ARAP2: variants seen among roughly 807,000 people sequenced by gnomAD.
ARAP2 encodes ArfGAP with RhoGAP domain, ankyrin repeat and PH domain 2.
ARAP2 carries 148 observed loss-of-function variants against 194.5 expected under a neutral mutation model. That is an observed-to-expected ratio of 0.76 (90% CI 0.67 to 0.87). The LOEUF is 0.87. Among genes scored for constraint, ARAP2 ranks in the 40% least tolerant of loss-of-function variants. The pLI, the probability that ARAP2 is intolerant of heterozygous loss-of-function variation, is 0.00. For synonymous variants in ARAP2, 695 were observed against 683.5 expected, an observed-to-expected ratio of 1.02 and a Z score of -0.26; for missense variants, 2,128 against 1,989.7, an observed-to-expected ratio of 1.07 and a Z score of -1.32.
At chr4:36,196,176 C>G (rs1398703717) in intron 6 of ARAP2, among the ~76,000 whole-genome samples, 1 of 152,204 alleles carries the variant, frequency 6.6e-6, no homozygotes, top group African/African-American at 2.4e-5. Flanking sequence ...TTTCACATGT[C>G]TTACTTAAGA....
chr4:36,088,994 A>G (rs1712743378), intron 28 of ARAP2, among the ~76,000 whole-genome samples: 1 of 152,236 alleles, frequency 6.6e-6, no homozygotes. Context: ...TTCTACATTT[A>G]AAGTAATTGC....
At chr4:36,058,408 A>G (rs1004346742) in intron 1 of ARAP2, among the ~76,000 whole-genome samples, 2 of 152,180 alleles carry the variant, frequency 1.3e-5, no homozygotes, top group Non-Finnish European at 1.5e-5. Flanking sequence ...TCTATCTTAA[A>G]AAATCATCTC....
At chr4:36,093,988 G>A (rs1275559457) in intron 27 of ARAP2, among the ~76,000 whole-genome samples, 1 of 152,134 alleles carries the variant, frequency 6.6e-6, no homozygotes, top group Non-Finnish European at 1.5e-5. Flanking sequence ...CACTAGAGAA[G>A]CCCCCTCACA....
At chr4:36,077,520 A>G (rs1398342540) in intron 31 of ARAP2, among the ~76,000 whole-genome samples, 1 of 152,088 alleles carries the variant, frequency 6.6e-6, no homozygotes, top group East Asian at 1.9e-4. Context: ...GGTATATACC[A>G]CAGACAACGT....
chr4:36,212,289 C>T (rs1560681242), intron 5 of ARAP2, 107 bp downstream of exon 5: 1 of 933,960 alleles, frequency 1.1e-6, no homozygotes, highest in Non-Finnish European at 1.5e-6. Flanking sequence ...GAACTTATCA[C>T]CATAAACTAT....
At chr4:36,194,861 T>A (rs1015282921) in intron 6 of ARAP2, among the ~76,000 whole-genome samples, 19 of 152,298 alleles carry the variant, frequency 1.2e-4, no homozygotes, top group African/African-American at 4.3e-4. Flanking sequence ...CACTTCATAT[T>A]TAATTCTAAT....
chr4:36,199,980 T>C (rs1744027316), intron 6 of ARAP2, among the ~76,000 whole-genome samples: 1 of 151,980 alleles, frequency 6.6e-6, no homozygotes. Context: ...CACATCTCAA[T>C]AAAGCTGGAA....
At chr4:36,079,274 A>C (rs1468827367) in intron 31 of ARAP2, among the ~76,000 whole-genome samples, 2 of 152,120 alleles carry the variant, frequency 1.3e-5, no homozygotes, top group Admixed American at 1.3e-4. Flanking sequence ...TCTCTTGTGC[A>C]CATGTTTTTC....
chr4:36,163,806 T>C (rs952369496), intron 11 of ARAP2, among the ~76,000 whole-genome samples: 39 of 152,070 alleles, frequency 2.6e-4, no homozygotes, highest in African/African-American at 8.5e-4. Context: ...ACAAAGGCCG[T>C]CTCTTCCAAT....
chr4:36,052,413 A>C (rs1481219007), intron 2 of ARAP2, among the ~76,000 whole-genome samples: 1 of 152,248 alleles, frequency 6.6e-6, no homozygotes, highest in Non-Finnish European at 1.5e-5. Flanking sequence ...GTTCTAAAGC[A>C]ACGCATGCAG....
At chr4:36,018,961 T>G (rs921586170) in intron 6 of ARAP2, among the ~76,000 whole-genome samples, 1 of 150,230 alleles carries the variant, frequency 6.7e-6, no homozygotes, top group African/African-American at 2.5e-5. Context: ...AAATGGCATA[T>G]AGGCAGAGGA....
At position 36,083,378 on chromosome 4, in the gene ARAP2, G is replaced by A. The variant is rs894660911; in HGVS notation, c.4498C>T (p.Pro1500Ser). The A allele has an allele frequency of 1.2e-6, 2 of 1,603,672 alleles. No homozygotes were observed. The highest frequency in any genetic ancestry group is 3.4e-5 in the Admixed American group (2 of 58,584). Reference protein sequence around the residue: ...FYRGVKKKMKPPTSWGLTAYS... With the variant: ...FYRGVKKKMKSPTSWGLTAYS... Reference sequence around the variant, plus strand: ...CCTTTCAAACTTTACCTTGTTGGAGGCTTCATTTTCTTTTTCACTCCACGA... The same window carrying A: ...CCTTTCAAACTTTACCTTGTTGGAGACTTCATTTTCTTTTTCACTCCACGA... Residue 1500 changes from proline (P) to serine (S), a missense_variant, in exon 29 of 33, where the codon CCT becomes TCT. Transcript: ENST00000303965.
chr4:36,017,192 A>G (rs913443135), intron 6 of ARAP2, among the ~76,000 whole-genome samples: 6 of 151,850 alleles, frequency 4.0e-5, no homozygotes, highest in Non-Finnish European at 8.8e-5. Context: ...GATAAAAATG[A>G]AAAATGGATA....
At chr4:36,210,064 T>C (rs898474938) in intron 6 of ARAP2, among the ~76,000 whole-genome samples, 1 of 152,128 alleles carries the variant, frequency 6.6e-6, no homozygotes, top group Non-Finnish European at 1.5e-5. Context: ...GTCTGTCTTG[T>C]TTTTCTTTGT....
At chr4:36,186,167 A>T (rs1020432132) in intron 8 of ARAP2, among the ~76,000 whole-genome samples, 5 of 152,200 alleles carry the variant, frequency 3.3e-5, no homozygotes, top group Non-Finnish European at 7.3e-5. Context: ...ATTCCTAAAT[A>T]AAAGTTGTCC....
intron 8 of ARAP2, among the ~76,000 whole-genome samples, chr4:36,014,069 C>T (rs911412312): frequency 1.3e-5 from 2 of 151,332 alleles, no homozygotes; most frequent in African/African-American, 4.9e-5. Context: ...TCCACCAAAA[C>T]TACAAAAAAT....
intron 20 of ARAP2, among the ~76,000 whole-genome samples, chr4:36,131,284 T>C (rs1044756456): frequency 9.3e-5 from 14 of 151,134 alleles, no homozygotes; most frequent in African/African-American, 3.2e-4. Context: ...TAGTGCCCAA[T>C]ATGTGATTAT....
At chr4:36,093,265 A>G (rs1714237186) in intron 27 of ARAP2, among the ~76,000 whole-genome samples, 1 of 152,064 alleles carries the variant, frequency 6.6e-6, no homozygotes, top group Non-Finnish European at 1.5e-5. Context: ...ACTAGGCTTA[A>G]TATCTGGGTG....
Position 36,210,726 on chromosome 4 carries a change from T to C in ARAP2, c.1151A>G (p.Lys384Arg). The C allele has an allele frequency of 6.2e-7, 1 of 1,601,740 alleles. No individual in the cohort carries two copies. ...IIKSSIYDNRKEKISEDKVED... is the reference protein window; with the variant it reads ...IIKSSIYDNRREKISEDKVED... ...CACCTTGTCCTCGCTTATTTTCTCC[T>C]TTCTGTTATCGTATATGCTAAACGG... is the stretch of plus-strand genomic sequence containing the variant. The change falls in exon 6 of 33, where the codon AAG (lysine) becomes AGG (arginine). Residue 384 changes from lysine (K) to arginine (R), a missense_variant. Coordinates refer to ENST00000303965, the MANE Select transcript of ARAP2 (RefSeq NM_015230.4).
Sources: allele counts gnomAD v4.1 joint callset (sites outside exome capture counted in the v4.1 genomes callset), GRCh38; gene constraint gnomAD v4.1.1; transcripts MANE v1.5; gene names NCBI Gene and HGNC (gene_info 2026-07-23, HGNC 2026-07-21).